Variants in H2BC4 observed in about 807,000 individuals in gnomAD.
The protein encoded by H2BC4 is histone H2B type 1-C/E/F/G/I.
A neutral mutation model predicts 6.2 loss-of-function variants in H2BC4; 10 were observed. The observed-to-expected ratio is 1.61, with a 90% CI of 0.99 to 2.73. The LOEUF (loss-of-function observed/expected upper bound fraction) is 2.73. H2BC4 is among the 30% of genes most tolerant of loss of function. The probability of loss-of-function intolerance (pLI) is 0.00; values close to 1 mark genes in which losing one functional copy is unlikely to be tolerated. For missense variants in H2BC4, 176 were observed against 168.7 expected, an observed-to-expected ratio of 1.04 and a Z score of -0.24; for synonymous variants, 146 against 70.7, an observed-to-expected ratio of 2.07 and a Z score of -5.35.
chr6:26,123,371 A>C (rs1763536747), downstream of H2BC4: 1 of 1,337,386 alleles, frequency 7.5e-7, no homozygotes. Flanking sequence ...CTAAGCTGCA[A>C]CACTTGTCCC....
At position 26,123,497 on chromosome 6, in the gene H2BC4, AGGTGTT is replaced by A; in HGVS notation, c.*21_*26del. 1 of 1,613,928 alleles carries A rather than the reference AGGTGTT, an allele frequency of 6.2e-7. No homozygotes were observed. The highest frequency in any genetic ancestry group is 8.5e-7 in the Non-Finnish European group (1 of 1,179,956). Reference sequence around the variant, plus strand: ...GGCTCTTAAAAGAGCCTTTGGGGTTAGGTGTTAAGACGCTTACTTGGAATGTTTACT... The same window carrying A: ...GGCTCTTAAAAGAGCCTTTGGGGTTAAAGACGCTTACTTGGAATGTTTACT... On this transcript the variant is annotated 3_prime_UTR_variant, in exon 1 of 1. Transcript: ENST00000396984.
chr6:26,113,434 G>T (rs532671961), downstream of H2BC4, among the ~76,000 whole-genome samples: 1 of 152,290 alleles, frequency 6.6e-6, no homozygotes, highest in African/African-American at 2.4e-5. Flanking sequence ...AAGACATCTT[G>T]GTCTAATGCT....
downstream of H2BC4, among the ~76,000 whole-genome samples, chr6:26,122,370 G>C (rs888905193): frequency 6.6e-6 from 1 of 152,118 alleles, no homozygotes; most frequent in Non-Finnish European, 1.5e-5. Context: ...AATGGAGAAA[G>C]CAAACTTCTA....
exon 2 of H2BC4, chr6:26,114,953 T>A (rs1763401142): frequency 6.6e-6 from 1 of 152,208 alleles, no homozygotes; most frequent in African/African-American, 2.4e-5. Flanking sequence ...AATAGTTTTA[T>A]GCATAGAAAA....
At chr6:26,116,946 G>A (rs1387994670) in intron 1 of H2BC4, among the ~76,000 whole-genome samples, 1 of 152,108 alleles carries the variant, frequency 6.6e-6, no homozygotes, top group African/African-American at 2.4e-5. Context: ...GGTAGGAAAA[G>A]TTTCACTAAT....
At chr6:26,123,329 C>G, downstream of H2BC4, 26 of 977,684 alleles carry the variant, frequency 2.7e-5, no homozygotes. Flanking sequence ...TAATGGCTGG[C>G]TTCTTTCGGG....
At chr6:26,123,359 C>T, downstream of H2BC4, 1 of 1,253,176 alleles carries the variant, frequency 8.0e-7, no homozygotes, top group Non-Finnish European at 1.1e-6. Context: ...CTTTGTCCCT[C>T]TCTAAGCTGC....
rs1763557917 is a variant in H2BC4, at chr6:26,123,792, T to C, written c.113A>G (p.Tyr38Cys). ...CAGCACCTTGTACACGTACACAGAG[T>C]AACTCTCCTTGCGGCTGCGCTTGCG... is the stretch of plus-strand genomic sequence containing the variant. ...KKRKRSRKES[Y>C]SVYVYKVLKQ... The change falls in exon 1 of 1, where the codon TAC (tyrosine) becomes TGC (cysteine). Residue 38 changes from tyrosine (Y) to cysteine (C), a missense_variant. Transcript: ENST00000396984. 6.2e-7 allele frequency: 1 copy of C among 1,614,104 alleles called. No homozygotes were observed. The highest frequency in any genetic ancestry group is 1.1e-5 in the South Asian group (1 of 91,094).
Position 26,123,501 on chromosome 6 carries a change from G to A in H2BC4, c.*23C>T, listed in dbSNP as rs762001780. The A allele has an allele frequency of 5.0e-6, 8 of 1,614,216 alleles. No individual in the cohort carries two copies. The highest frequency in any genetic ancestry group is 1.6e-4 in the Middle Eastern group (1 of 6,062). ...CTTAAAAGAGCCTTTGGGGTTAGGTGTTAAGACGCTTACTTGGAATGTTTA... is the reference window on the plus strand; with the variant it reads ...CTTAAAAGAGCCTTTGGGGTTAGGTATTAAGACGCTTACTTGGAATGTTTA... On this transcript the variant is annotated 3_prime_UTR_variant, in exon 1 of 1. Coordinates refer to ENST00000396984, the MANE Select transcript of H2BC4 (RefSeq NM_003526.3).
downstream of H2BC4, among the ~76,000 whole-genome samples, chr6:26,119,845 T>C (rs1763475906): frequency 6.6e-6 from 1 of 151,950 alleles, no homozygotes; most frequent in Admixed American, 6.6e-5. Flanking sequence ...TATATTTTCC[T>C]TATTAAAAAA....
chr6:26,123,738 G>T lies in H2BC4; in HGVS notation c.167C>A (p.Ser56Tyr), dbSNP rs765519959. Residue 56 changes from serine to tyrosine, a missense_variant, in exon 1 of 1, where the codon TCT becomes TAT. Ser to Tyr is a moderately radical substitution (Grantham distance 144). Coordinates refer to ENST00000396984, the MANE Select transcript of H2BC4 (RefSeq NM_003526.3). ...ATTCATGATGCCCATGGCCTTGGAA[G>T]AGATGCCAGTGTCGGGATGGACCTG... ...LKQVHPDTGI[S>Y]SKAMGIMNSF... 1.2e-6 allele frequency: 2 copies of T among 1,614,158 alleles called. No individual in the cohort carries two copies. The highest frequency in any genetic ancestry group is 2.7e-5 in the African/African-American group (2 of 74,954).
At chr6:26,116,689 C>T (rs1193450962) in intron 1 of H2BC4, among the ~76,000 whole-genome samples, 1 of 152,056 alleles carries the variant, frequency 6.6e-6, no homozygotes, top group Non-Finnish European at 1.5e-5. Context: ...GCCTGGGCAA[C>T]AAAGTGAGAC....
At chr6:26,114,918 CA>C (rs1370224007) in exon 2 of H2BC4, 1 of 151,934 alleles carries the variant, frequency 6.6e-6, no homozygotes, top group Admixed American at 6.6e-5. Context: ...TTTCCTGTGT[CA>C]TAAATTTCTA....
intron 1 of H2BC4, among the ~76,000 whole-genome samples, chr6:26,115,637 C>A (rs1436643013): frequency 6.6e-6 from 1 of 152,188 alleles, no homozygotes; most frequent in Non-Finnish European, 1.5e-5. Flanking sequence ...GAACCCTGAG[C>A]ACACTCTCTA....
chr6:26,114,643 A>G (rs1763397127), downstream of H2BC4, among the ~76,000 whole-genome samples: 1 of 152,066 alleles, frequency 6.6e-6, no homozygotes, highest in African/African-American at 2.4e-5. Flanking sequence ...AAGATGTGTG[A>G]GCTATATAAT....
downstream of H2BC4, among the ~76,000 whole-genome samples, chr6:26,120,267 A>G (rs1398216896): frequency 2.0e-5 from 3 of 152,174 alleles, no homozygotes; most frequent in Non-Finnish European, 4.4e-5. Context: ...TTTGGCCAAC[A>G]TGGCGAAACC....
rs1483583709 is a variant in H2BC4, at chr6:26,123,787, CAG to C, written c.116_117del (p.Ser39CysfsTer29). The C allele has an allele frequency of 2.5e-6, 4 of 1,614,274 alleles. No individual in the cohort carries two copies. Among genetic ancestry groups the C allele is most frequent in the Non-Finnish European group, 3.4e-6 (4 of 1,180,056 alleles). ...KRKRSRKESY[S>X]VYVYKVLKQV... Reference sequence around the variant, plus strand: ...TGTTTCAGCACCTTGTACACGTACACAGAGTAACTCTCCTTGCGGCTGCGCTT... The same window carrying C: ...TGTTTCAGCACCTTGTACACGTACACAGTAACTCTCCTTGCGGCTGCGCTT... On this transcript the variant is annotated frameshift_variant, in exon 1 of 1. Transcript: ENST00000396984. LOFTEE classifies it high-confidence loss of function.
chr6:26,117,270 C>T (rs375044574), intron 1 of H2BC4, among the ~76,000 whole-genome samples: 10 of 152,198 alleles, frequency 6.6e-5, no homozygotes, highest in African/African-American at 2.4e-4. Flanking sequence ...CTTTTAGGAG[C>T]GTAAAGATGG....
chr6:26,121,041 T>C (rs187325603), downstream of H2BC4, among the ~76,000 whole-genome samples: 17 of 152,310 alleles, frequency 1.1e-4, no homozygotes, highest in East Asian at 3.1e-3. Context: ...ATACTGGTTT[T>C]GCAGATATCG....
Sources: gnomAD v4.1 joint callset for allele counts (sites outside exome capture counted in the v4.1 genomes callset) on GRCh38, gnomAD v4.1.1 for gene constraint, MANE v1.5 for transcripts, NCBI Gene and HGNC (gene_info 2026-07-23, HGNC 2026-07-21) for gene names.